N4BP2: variants seen among roughly 807,000 people sequenced by gnomAD.
The protein encoded by N4BP2 is NEDD4 binding protein 2.
A neutral mutation model predicts 152.8 loss-of-function variants in N4BP2; 91 were observed. The ratio of observed to expected loss-of-function variants is 0.60; its 90% CI spans 0.50 to 0.71. The LOEUF (loss-of-function observed/expected upper bound fraction) is 0.71. Among genes scored for constraint, N4BP2 ranks in the 30% least tolerant of loss-of-function variants. The pLI is 0.00. For synonymous variants in N4BP2, 646 were observed against 705.3 expected (o/e 0.92, Z 1.33); for missense variants, 1,923 against 2,059.1 (o/e 0.93, Z 1.28).
chr4:40,187,600 G>A, the N4BP2 span, among the ~76,000 whole-genome samples: 1 of 152,174 alleles, frequency 6.6e-6, no homozygotes, highest in Non-Finnish European at 1.5e-5. Context: ...GATTACAAGC[G>A]TGAGCCACTG....
intron 14 of N4BP2, chr4:40,142,334 TG>T: frequency 2.2e-5 from 7 of 317,722 alleles, no homozygotes; most frequent in East Asian, 7.7e-5. Context: ...GGAGTTGGGC[TG>T]GGGGTGACTG....
downstream of N4BP2, among the ~76,000 whole-genome samples, chr4:40,158,939 C>T (rs908225522): frequency 1.3e-5 from 2 of 152,094 alleles, no homozygotes; most frequent in Admixed American, 6.6e-5. Context: ...AGGGTAAATG[C>T]GATAGAGCTT....
At position 40,154,149 on chromosome 4, in the gene N4BP2, T is replaced by A. The variant is rs753198717; in HGVS notation, c.5268-43T>A. ...TACAAGGTATATTCCTTAGCTAATT[T>A]GAAATTTTCATCTTTAAAATAACTC... On this transcript the variant is annotated intron_variant, in intron 17 of 17. Transcript: ENST00000261435. 13 of 1,432,094 alleles carry A rather than the reference T, an allele frequency of 9.1e-6. No homozygotes were observed. The South Asian group carries it at 1.5e-4, about 17-fold the overall frequency. 88.7% of individuals were successfully genotyped at this position (1,432,094 alleles called of 1,614,324 possible).
chr4:40,121,615 T>G lies in N4BP2; in HGVS notation c.3504T>G (p.Thr1168=), dbSNP rs1717921876. 6.2e-7 allele frequency: 1 copy of G among 1,614,136 alleles called. No individual in the cohort carries two copies. The highest frequency in any genetic ancestry group is 1.3e-5 in the African/African-American group (1 of 75,046). ...NLKEIISQRG[T]LENSNSPVPE... is the part of the protein sequence containing the mutation. ...AAGAAATTATTAGCCAAAGAGGAAC[T>G]TTAGAGAATTCTAATTCTCCTGTGC... The change falls in exon 9 of 18, where the codon ACT becomes ACG. Residue 1168 remains threonine (T), a synonymous_variant. Transcript: ENST00000261435.
intron 7 of N4BP2, 69 bp downstream of exon 7, chr4:40,113,577 T>C: frequency 1.8e-6 from 2 of 1,083,164 alleles, no homozygotes; most frequent in Non-Finnish European, 2.8e-6. Flanking sequence ...TTTAGATTTT[T>C]CCCCTTGTAA....
In N4BP2 at chr4:40,142,747, T is replaced by C; in HGVS notation, c.4860T>C (p.Asp1620=). ...SFQDFEYPDY[D]DYRAEAFLHQ... ...AGGACTTTGAGTACCCAGACTATGA[T>C]GACTACAGAGCAGAGGCTTTCCTTC... The change falls in exon 15 of 18, where the codon GAT becomes GAC. Residue 1620 remains aspartate, a synonymous_variant. Transcript: ENST00000261435. 8 of 1,613,982 alleles carry C rather than the reference T, an allele frequency of 5.0e-6. No homozygotes were observed. The highest frequency in any genetic ancestry group is 5.9e-6 in the Non-Finnish European group (7 of 1,179,926).
At chr4:40,134,015 C>T (rs2110017704) in intron 13 of N4BP2, among the ~76,000 whole-genome samples, 1 of 152,120 alleles carries the variant, frequency 6.6e-6, no homozygotes. Context: ...ACCATGTTGC[C>T]CAGGCTGGTC....
At chr4:40,183,107 T>C in the N4BP2 span, among the ~76,000 whole-genome samples, 1 of 152,226 alleles carries the variant, frequency 6.6e-6, no homozygotes, top group Admixed American at 6.5e-5. Flanking sequence ...TCATAGTCTT[T>C]GGAAACACTG....
intron 2 of N4BP2, among the ~76,000 whole-genome samples, chr4:40,074,176 C>T (rs573705168): frequency 1.5e-4 from 23 of 148,568 alleles, no homozygotes; most frequent in Non-Finnish European, 3.1e-4. Flanking sequence ...CTGCAACTTC[C>T]GTCTCCTGGG....
intron 2 of N4BP2, among the ~76,000 whole-genome samples, chr4:40,096,906 T>G (rs1035507446): frequency 6.6e-6 from 1 of 152,188 alleles, no homozygotes; most frequent in African/African-American, 2.4e-5. Flanking sequence ...ATGTTAAATT[T>G]ATAATGCCTA....
chr4:40,120,968 C>T lies in N4BP2; in HGVS notation c.2857C>T (p.Leu953Phe), dbSNP rs1481055831. 1.2e-6 allele frequency: 2 copies of T among 1,614,170 alleles called. No individual in the cohort carries two copies. Among genetic ancestry groups the T allele is most frequent in the South Asian group, 2.2e-5 (2 of 91,082 alleles). ...CAATCTAGGAAGTTCTGAAATGCTG[C>T]TCAGTGAAATGACCTGTGAGAGTCA... is the stretch of plus-strand genomic sequence containing the variant. ...SSNLGSSEML[L>F]SEMTCESQTC... The change falls in exon 9 of 18, where the codon CTC becomes TTC. Residue 953 changes from leucine (L) to phenylalanine (F), a missense_variant. Transcript: ENST00000261435.
chr4:40,117,780 A>G (rs1579065410), intron 7 of N4BP2, 89 bp from the exon 8 acceptor site: 1 of 1,097,982 alleles, frequency 9.1e-7, no homozygotes, highest in East Asian at 2.5e-5. Context: ...TATTAGAAAT[A>G]TATTATTGTT....
In N4BP2 at chr4:40,102,601, A is replaced by G. The variant is rs529639904; in HGVS notation, c.756A>G (p.Ala252=). The change falls in exon 4 of 18, where the codon GCA becomes GCG. Residue 252 remains alanine, a synonymous_variant. Transcript: ENST00000261435. The part of the protein sequence containing the change: ...DSLLSSSLNV[A]SDSIAGCSSL... The stretch of plus-strand genomic sequence containing the variant: ...TTCTCAGTAGTTCTTTAAATGTAGC[A>G]AGTGACTCCATCGCAGGTTGTAGCA... 1.2e-6 allele frequency: 2 copies of G among 1,614,222 alleles called. No individual in the cohort carries two copies. Among genetic ancestry groups the G allele is most frequent in the South Asian group, 1.1e-5 (1 of 91,080 alleles).
chr4:40,186,865 C>G, the N4BP2 span, among the ~76,000 whole-genome samples: 1 of 152,154 alleles, frequency 6.6e-6, no homozygotes, highest in Non-Finnish European at 1.5e-5. Context: ...ATAAGTCATG[C>G]CAACTGGTAT....
At chr4:40,079,860 G>T (rs1713176804) in intron 2 of N4BP2, among the ~76,000 whole-genome samples, 1 of 152,046 alleles carries the variant, frequency 6.6e-6, no homozygotes, top group Admixed American at 6.6e-5. Context: ...GGAATATTAT[G>T]ATGATAATCA....
rs1715204014 is a variant in N4BP2, at chr4:40,097,479, CAGG to C, written c.141_143del (p.Glu49del). On this transcript the variant is annotated inframe_deletion, in exon 3 of 18. Coordinates refer to ENST00000261435, the MANE Select transcript of N4BP2 (RefSeq NM_018177.6). ...TTCCATGGGTGAGACAAAAGTTGAT[CAGG>C]AAGAACTCTTCACCAGTATCTCAGA... 1 of 1,613,948 alleles carries C rather than the reference CAGG, an allele frequency of 6.2e-7. No homozygotes were observed. Among genetic ancestry groups the C allele is most frequent in the East Asian group, 2.2e-5 (1 of 44,860 alleles).
At chr4:40,158,680 T>C (rs905101239), downstream of N4BP2, among the ~76,000 whole-genome samples, 1 of 151,500 alleles carries the variant, frequency 6.6e-6, no homozygotes, top group East Asian at 1.9e-4. Flanking sequence ...ATCCCAGGCA[T>C]GAGAACTGCT....
At position 40,102,922 on chromosome 4, in the gene N4BP2, T is replaced by G. The variant is rs141190727; in HGVS notation, c.1077T>G (p.Pro359=). 530 of 1,614,146 alleles carry G rather than the reference T, an allele frequency of 3.3e-4. No individual in the cohort carries two copies. In the African/African-American group the frequency reaches 5.7e-3, roughly 17 times the overall value. Residue 359 remains proline, a synonymous_variant, in exon 4 of 18, where the codon CCT becomes CCG. Coordinates refer to ENST00000261435, the MANE Select transcript of N4BP2 (RefSeq NM_018177.6). ...PLPLLLPPPP[P]PPMWNPMIPA... is the part of the protein sequence containing the mutation. ...CATTGCTGTTGCCTCCTCCGCCACCTCCACCGATGTGGAATCCAATGATTC... is the reference window on the plus strand; with the variant it reads ...CATTGCTGTTGCCTCCTCCGCCACCGCCACCGATGTGGAATCCAATGATTC...
rs1405588262 is a variant in N4BP2, at chr4:40,103,337, TC to T, written c.1373+120del. On this transcript the variant is annotated intron_variant, in intron 4 of 17. Transcript: ENST00000261435. ...ATCTTTAGTAACCCCTAAAATGTTT[TC>T]TTTTTACTAAGGTTTCCTAACTTTG... 10 of 828,584 alleles carry T rather than the reference TC, an allele frequency of 1.2e-5. No individual in the cohort carries two copies. In the Admixed American group the frequency reaches 2.7e-4, roughly 22 times the overall value. The allele number at this position is 828,584 out of a possible 1,614,324, so 51.3% of individuals were successfully genotyped here. A position where few individuals can be genotyped will look rare whatever the true frequency, so the allele number is the denominator to read the frequency against.
Sources: gnomAD v4.1 joint callset for allele counts (sites outside exome capture counted in the v4.1 genomes callset) on GRCh38, gnomAD v4.1.1 for gene constraint, MANE v1.5 for transcripts, NCBI Gene and HGNC (gene_info 2026-07-23, HGNC 2026-07-21) for gene names.